RASAL2: variants seen among roughly 807,000 people sequenced by gnomAD.
RASAL2 encodes RAS protein activator like 2, also known as ras GTPase-activating protein nGAP.
In RASAL2, 58 loss-of-function variants were observed where a neutral mutation model predicts 128.9. That is an observed-to-expected ratio of 0.45 (90% confidence interval 0.36 to 0.56). RASAL2 has a LOEUF of 0.56. RASAL2 is among the 20% of genes least tolerant of loss of function. The pLI is 0.00. For synonymous variants in RASAL2, 561 were observed against 580.8 expected (o/e 0.97, Z 0.49); for missense variants, 1,360 against 1,601.6 (o/e 0.85, Z 2.57).
At chr1:178,197,420 C>T (rs917771092) in intron 1 of RASAL2, among the ~76,000 whole-genome samples, 5 of 151,842 alleles carry the variant, frequency 3.3e-5, no homozygotes, top group African/African-American at 1.2e-4. Flanking sequence ...TGCCATTGGA[C>T]TCCAGCATGA....
At chr1:178,345,448 C>G (rs572892351) in intron 3 of RASAL2, among the ~76,000 whole-genome samples, 1 of 152,188 alleles carries the variant, frequency 6.6e-6, no homozygotes, top group Non-Finnish European at 1.5e-5. Context: ...GTCCTGAATC[C>G]AATTCCAAAG....
At chr1:178,350,820 A>G (rs1670431363) in intron 3 of RASAL2, among the ~76,000 whole-genome samples, 2 of 152,160 alleles carry the variant, frequency 1.3e-5, no homozygotes, top group Admixed American at 1.3e-4. Context: ...AAAGCCAGTG[A>G]GAGAATCTTA....
At chr1:178,273,257 A>G (rs1275509704) in intron 1 of RASAL2, among the ~76,000 whole-genome samples, 1 of 152,252 alleles carries the variant, frequency 6.6e-6, no homozygotes, top group African/African-American at 2.4e-5. Flanking sequence ...ATAAAGGCTA[A>G]TGAGGCAAAA....
At chr1:178,373,104 C>A (rs1043120117) in intron 3 of RASAL2, among the ~76,000 whole-genome samples, 4 of 151,652 alleles carry the variant, frequency 2.6e-5, no homozygotes, top group Admixed American at 2.6e-4. Context: ...GGACAAAATT[C>A]AGTTGATCTT....
At chr1:178,169,207 T>C (rs1196768320) in intron 1 of RASAL2, among the ~76,000 whole-genome samples, 1 of 152,172 alleles carries the variant, frequency 6.6e-6, no homozygotes, top group Non-Finnish European at 1.5e-5. Context: ...TAATGTATAG[T>C]CTTTATATTT....
intron 3 of RASAL2, chr1:178,341,673 T>A: frequency 6.2e-7 from 1 of 1,606,320 alleles, no homozygotes; most frequent in Non-Finnish European, 8.5e-7. Flanking sequence ...TGTGGCTTTT[T>A]AAAAATTACA....
intron 1 of RASAL2, among the ~76,000 whole-genome samples, chr1:178,099,551 C>T (rs1014608868): frequency 2.6e-5 from 4 of 152,152 alleles, no homozygotes; most frequent in Non-Finnish European, 5.9e-5. Context: ...CATGTTGGTT[C>T]ACTGCTATTT....
chr1:178,240,672 A>G (rs1359577174), intron 1 of RASAL2, among the ~76,000 whole-genome samples: 2 of 151,768 alleles, frequency 1.3e-5, no homozygotes, highest in Non-Finnish European at 2.9e-5. Context: ...TAAACTTTTT[A>G]GTCTTTTAAA....
chr1:178,106,359 A>G (rs1399001289), intron 1 of RASAL2, among the ~76,000 whole-genome samples: 1 of 152,108 alleles, frequency 6.6e-6, no homozygotes, highest in African/African-American at 2.4e-5. Context: ...CTTAGGCTTG[A>G]CTGTGTACAA....
At chr1:178,357,525 T>G (rs1229253245) in intron 3 of RASAL2, among the ~76,000 whole-genome samples, 1 of 152,140 alleles carries the variant, frequency 6.6e-6, no homozygotes, top group Non-Finnish European at 1.5e-5. Flanking sequence ...TAGGGAATTC[T>G]AATTAGTTTT....
At chr1:178,464,831 G>GTTTTTTTTTTTTTTTTTTTTT (rs986789340) in intron 15 of RASAL2, among the ~76,000 whole-genome samples, 5 of 38,204 alleles carry the variant, frequency 1.3e-4, no homozygotes, top group African/African-American at 6.1e-4. Flanking sequence ...GGTTTTAGTT[G>GTTTTTTTTTTTTTTTTTTTTT]TTTTTTTTTT....
intron 3 of RASAL2, among the ~76,000 whole-genome samples, chr1:178,345,588 T>G (rs1008400844): frequency 2.0e-5 from 3 of 152,142 alleles, no homozygotes; most frequent in African/African-American, 7.2e-5. Flanking sequence ...GTTTGTAACT[T>G]TTTTGCTAAA....
At chr1:178,424,342 A>G (rs1174527476) in intron 5 of RASAL2, among the ~76,000 whole-genome samples, 1 of 151,986 alleles carries the variant, frequency 6.6e-6, no homozygotes, top group East Asian at 1.9e-4. Flanking sequence ...TCCTGGGTTC[A>G]AGCAATTCTC....
chr1:178,361,667 G>T (rs988659264), intron 3 of RASAL2, among the ~76,000 whole-genome samples: 9 of 151,956 alleles, frequency 5.9e-5, no homozygotes, highest in South Asian at 2.1e-4. Context: ...CCAGGGTCTG[G>T]TTTCATGGAA....
intron 4 of RASAL2, among the ~76,000 whole-genome samples, chr1:178,418,831 A>G (rs1674949185): frequency 6.6e-6 from 1 of 152,174 alleles, no homozygotes; most frequent in Non-Finnish European, 1.5e-5. Flanking sequence ...AGTGATATGA[A>G]GCTTTAAGAG....
At chr1:178,397,154 G>A (rs576214380) in intron 4 of RASAL2, among the ~76,000 whole-genome samples, 2 of 152,128 alleles carry the variant, frequency 1.3e-5, no homozygotes, top group East Asian at 3.9e-4. Flanking sequence ...GAAAATATAT[G>A]TCCACATAAA....
chr1:178,273,509 C>T (rs1015915089), intron 1 of RASAL2, among the ~76,000 whole-genome samples: 3 of 152,304 alleles, frequency 2.0e-5, no homozygotes, highest in South Asian at 2.1e-4. Flanking sequence ...TACCCACTAA[C>T]AGGTTCACCA....
intron 1 of RASAL2, among the ~76,000 whole-genome samples, chr1:178,147,843 G>A (rs201328959): frequency 6.6e-6 from 1 of 152,160 alleles, no homozygotes; most frequent in South Asian, 2.1e-4. Flanking sequence ...GCCAAGGTGG[G>A]TGGATCACCT....
rs184474890 is a variant in RASAL2, at chr1:178,110,434, A to C, written c.202+15740A>C. Among the ~76,000 whole-genome samples the C allele has an allele frequency of 2.8e-4, 42 of 150,920 alleles. 1 individual carries two copies. The highest frequency in any genetic ancestry group is 3.4e-4 in the Non-Finnish European group (23 of 67,802). On this transcript the variant is annotated intron_variant, in intron 1 of 17. Coordinates refer to ENST00000367649, the MANE Select transcript of RASAL2 (RefSeq NM_170692.4). ...TTAAACCATTCCTAGATTACATAAAATAGCTAATACAATGTAAATTCTATG... is the reference window on the plus strand; with the variant it reads ...TTAAACCATTCCTAGATTACATAAACTAGCTAATACAATGTAAATTCTATG...
Sources: gnomAD v4.1 joint callset for allele counts (sites outside exome capture counted in the v4.1 genomes callset) on GRCh38, gnomAD v4.1.1 for gene constraint, MANE v1.5 for transcripts, NCBI Gene and HGNC (gene_info 2026-07-23, HGNC 2026-07-21) for gene names.